The following TRRAP variants were observed in gnomAD, a reference collection of about 807,000 sequenced individuals.
TRRAP encodes the protein transformation/transcription domain-associated protein.
A neutral mutation model predicts 438.8 loss-of-function variants in TRRAP; 41 were observed. The ratio of observed to expected loss-of-function variants is 0.09; its 90% CI spans 0.07 to 0.12. The LOEUF (loss-of-function observed/expected upper bound fraction) is 0.12, where lower values mean the gene tolerates loss of function less well. Ranked by LOEUF, TRRAP falls within the 10% of genes least tolerant of loss-of-function variation. The pLI is 1.00. For missense variants in TRRAP, 3,122 were observed against 5,055.1 expected (o/e 0.62, Z 11.60); for synonymous variants, 1,994 against 1,962.9 (o/e 1.02, Z -0.42).
chr7:98,989,001 ATC>A (rs760379358), intron 63 of TRRAP, 35 bp downstream of exon 63: 8 of 1,592,898 alleles, frequency 5.0e-6, no homozygotes, highest in Non-Finnish European at 6.8e-6. Flanking sequence ...ACCAGAGGCC[ATC>A]TGTCACCTTC....
At chr7:98,909,534 TC>T (rs1347013732) in intron 14 of TRRAP, among the ~76,000 whole-genome samples, 2 of 152,172 alleles carry the variant, frequency 1.3e-5, no homozygotes, top group Non-Finnish European at 2.9e-5. Context: ...TTAGCACACT[TC>T]CTGGCAAGTA....
In TRRAP at chr7:98,908,577, A is replaced by G. The variant is rs1234539446; in HGVS notation, c.1116-151A>G. On this transcript the variant is annotated intron_variant, in intron 13 of 72. Transcript: ENST00000456197. The surrounding 1 kb of genome is among the most constrained non-coding windows in gnomAD (Gnocchi z 4.1). ...AAACTTGAGCCCTCTTCTGTCATGTATCTGGGAGAGAGTAATGTGGTGAAA... is the reference window on the plus strand; with the variant it reads ...AAACTTGAGCCCTCTTCTGTCATGTGTCTGGGAGAGAGTAATGTGGTGAAA... 23 of 652,554 alleles carry G rather than the reference A, an allele frequency of 3.5e-5. No individual in the cohort carries two copies. In the East Asian group the frequency reaches 4.9e-4, roughly 14 times the overall value. 40.4% of individuals were successfully genotyped at this position (652,554 alleles called of 1,614,324 possible).
rs1386416766 is a variant in TRRAP at position 98,994,048 on chromosome 7, C to T, written c.10047+311C>T. On this transcript the variant is annotated intron_variant, in intron 66 of 72. Coordinates refer to ENST00000456197, the MANE Select transcript of TRRAP (RefSeq NM_001375524.1). The surrounding 1 kb of genome is among the most constrained non-coding windows in gnomAD (Gnocchi z 4.8). ...AACCAGGTGTGAGCAGGAGCAGTGG[C>T]ATGAGTAACAGGGTTATAATTTCCA... 1.3e-5 allele frequency among the ~76,000 whole-genome samples: 2 copies of T among 152,160 alleles called. No homozygotes were observed. The highest frequency in any genetic ancestry group is 2.9e-5 in the Non-Finnish European group (2 of 68,022).
chr7:98,985,140 T>C (rs1793095952), intron 62 of TRRAP, 96 bp downstream of exon 62: 1 of 896,818 alleles, frequency 1.1e-6, no homozygotes, highest in Non-Finnish European at 1.7e-6. Context: ...AAGCTAGAAA[T>C]GGGTATGATT....
In TRRAP at chr7:98,956,213, C is replaced by A. The variant is rs1554419729; in HGVS notation, c.6005C>A (p.Thr2002Lys). Residue 2002 changes from threonine to lysine, a missense_variant, in exon 42 of 73, where the codon ACG (threonine) becomes AAG (lysine). Coordinates refer to ENST00000456197, the MANE Select transcript of TRRAP (RefSeq NM_001375524.1). This position sits in a 1 kb window ranked among gnomAD's most constrained non-coding sequence, Gnocchi z 4.5. The part of the protein sequence containing the change: ...MVSAMQRLGF[T>K]PSVTIEQRRL... Reference sequence around the variant, plus strand: ...AGCGCCATGCAGAGGCTGGGCTTCACGCCCAGTGTCACCATCGAGCAGAGG... The same window carrying A: ...AGCGCCATGCAGAGGCTGGGCTTCAAGCCCAGTGTCACCATCGAGCAGAGG... 6.2e-7 allele frequency: 1 copy of A among 1,613,706 alleles called. No individual in the cohort carries two copies. The highest frequency in any genetic ancestry group is 1.1e-5 in the South Asian group (1 of 91,066).
intron 70 of TRRAP, 96 bp from the exon 71 acceptor site, chr7:99,010,956 G>C: frequency 8.0e-7 from 1 of 1,253,706 alleles, no homozygotes; most frequent in South Asian, 1.4e-5. Flanking sequence ...ATTTGCTCTT[G>C]GTGCTAAGTT....
At position 99,011,660 on chromosome 7, in the gene TRRAP, CCT is replaced by C; in HGVS notation, c.11337+126_11337+127del. Reference sequence around the variant, plus strand: ...TGCGCTCTCCACAGTGGCCAGCACCCCTGTGTGTTATGTCCTTTGCTGTGAGG... The same window carrying C: ...TGCGCTCTCCACAGTGGCCAGCACCCGTGTGTTATGTCCTTTGCTGTGAGG... On this transcript the variant is annotated intron_variant, in intron 72 of 72. Coordinates refer to ENST00000456197, the MANE Select transcript of TRRAP (RefSeq NM_001375524.1). The surrounding 1 kb of genome is among the most constrained non-coding windows in gnomAD (Gnocchi z 7.1). 5 of 1,121,724 alleles carry C rather than the reference CCT, an allele frequency of 4.5e-6. No individual in the cohort carries two copies. Among genetic ancestry groups the C allele is most frequent in the Middle Eastern group, 2.8e-4 (1 of 3,526 alleles). The allele number at this position is 1,121,724 out of a possible 1,614,324, so 69.5% of individuals were successfully genotyped here. A position where few individuals can be genotyped will look rare whatever the true frequency, so the allele number is the denominator to read the frequency against.
At chr7:98,923,517 C>T (rs138284280) in intron 21 of TRRAP, among the ~76,000 whole-genome samples, 12 of 152,362 alleles carry the variant, frequency 7.9e-5, no homozygotes, top group South Asian at 2.1e-4. Flanking sequence ...TTTTGGCACA[C>T]TTGGCAGTCC....
chr7:98,909,340 C>A (rs1329145612), intron 14 of TRRAP, among the ~76,000 whole-genome samples: 2 of 152,122 alleles, frequency 1.3e-5, no homozygotes, highest in Non-Finnish European at 2.9e-5. Flanking sequence ...CAAACTTGAA[C>A]CAGTGCTGTA....
At chr7:98,967,380 A>G (rs1032085196) in intron 50 of TRRAP, 105 bp from the exon 51 acceptor site, 3 of 1,391,198 alleles carry the variant, frequency 2.2e-6, no homozygotes, top group African/African-American at 2.9e-5. Context: ...CTTGGTTTTC[A>G]TAGTGGCATT....
chr7:98,903,633 A>C, intron 12 of TRRAP, 116 bp downstream of exon 12: 1 of 1,437,516 alleles, frequency 7.0e-7, no homozygotes, highest in South Asian at 1.3e-5. Context: ...TGCTTCCTTC[A>C]TTGCTGTCTT....
intron 33 of TRRAP, among the ~76,000 whole-genome samples, chr7:98,947,697 C>T (rs892651511): frequency 2.0e-5 from 3 of 152,172 alleles, no homozygotes; most frequent in Non-Finnish European, 4.4e-5. Context: ...CTCAGGTGAT[C>T]CACCCGCCTC....
intron 43 of TRRAP, among the ~76,000 whole-genome samples, chr7:98,957,732 C>T (rs912098544): frequency 5.3e-5 from 8 of 152,152 alleles, no homozygotes; most frequent in Non-Finnish European, 7.3e-5. Context: ...CCCTTGATGT[C>T]GTCTTGGGCC....
chr7:98,946,062 T>C, intron 33 of TRRAP, 112 bp downstream of exon 33: 1 of 1,125,840 alleles, frequency 8.9e-7, no homozygotes, highest in Non-Finnish European at 1.2e-6. Flanking sequence ...TGCCCTTGAG[T>C]GCAGTGACCT....
chr7:99,006,265 T>G (rs577653188), intron 69 of TRRAP, among the ~76,000 whole-genome samples: 1 of 152,330 alleles, frequency 6.6e-6, no homozygotes, highest in Non-Finnish European at 1.5e-5. Flanking sequence ...ATGTATGTTA[T>G]CTAGTCCTTT....
intron 69 of TRRAP, among the ~76,000 whole-genome samples, chr7:99,007,299 T>C (rs1020437422): frequency 3.9e-5 from 6 of 152,152 alleles, no homozygotes; most frequent in African/African-American, 1.2e-4. Context: ...TCCCATAGAC[T>C]CTGATTAAGG....
In TRRAP at chr7:98,978,923, A is replaced by T. The variant is rs201314289; in HGVS notation, c.8634+19A>T. ...GGTGCAGGTGAGACGCCCCGGGGGC[A>T]TCCCTGCCGCTGCCTGGGTCCCTTT... On this transcript the variant is annotated intron_variant, in intron 58 of 72. Transcript: ENST00000456197. 410 of 1,612,686 alleles carry T rather than the reference A, an allele frequency of 2.5e-4. 4 individuals are homozygous for T. In the Admixed American group the frequency reaches 6.8e-3, roughly 27 times the overall value.
chr7:98,969,609 C>G (rs764478761), intron 51 of TRRAP, among the ~76,000 whole-genome samples: 1 of 152,182 alleles, frequency 6.6e-6, no homozygotes. Context: ...AGCTTGTGCA[C>G]GGCCTGTGGG....
intron 68 of TRRAP, 108 bp downstream of exon 68, chr7:99,004,523 C>CATGTCAGGGAATCTG: frequency 1.1e-6 from 1 of 927,070 alleles, no homozygotes; most frequent in Non-Finnish European, 1.6e-6. Flanking sequence ...CACAGATTCC[C>CATGTCAGGGAATCTG]TGACATGGGA....
Sources: gnomAD v4.1 joint callset for allele counts (sites outside exome capture counted in the v4.1 genomes callset) on GRCh38, gnomAD v4.1.1 for gene constraint, Gnocchi (gnomAD v3.1) non-coding constraint, MANE v1.5 for transcripts, NCBI Gene and HGNC (gene_info 2026-07-23, HGNC 2026-07-21) for gene names.